The following ERC1 variants were observed in gnomAD, a reference collection of about 807,000 sequenced individuals.
The protein encoded by ERC1 is ELKS/RAB6-interacting/CAST family member 1.
ERC1 carries 56 observed loss-of-function variants against 132.0 expected under a neutral mutation model. The ratio of observed to expected loss-of-function variants is 0.42; its 90% CI spans 0.34 to 0.53. The LOEUF (loss-of-function observed/expected upper bound fraction) is 0.53, where lower values mean the gene tolerates loss of function less well. Ranked by LOEUF, ERC1 falls within the 20% of genes least tolerant of loss-of-function variation. The probability of loss-of-function intolerance (pLI) is 0.03; values close to 1 mark genes in which losing one functional copy is unlikely to be tolerated. For synonymous variants in ERC1, 478 were observed against 476.1 expected (o/e 1.00, Z -0.05); for missense variants, 1,202 against 1,349.9 (o/e 0.89, Z 1.72).
At chr12:1,291,703 A>AG (rs1250571888) in intron 15 of ERC1, among the ~76,000 whole-genome samples, 1 of 152,230 alleles carries the variant, frequency 6.6e-6, no homozygotes, top group Non-Finnish European at 1.5e-5. Context: ...CATCAAGCCA[A>AG]GAGAAATGAT....
intron 2 of ERC1, among the ~76,000 whole-genome samples, chr12:1,046,459 C>T (rs1344113953): frequency 1.3e-5 from 2 of 152,050 alleles, no homozygotes; most frequent in East Asian, 1.9e-4. Context: ...ATTCAAAATT[C>T]AGTGTGCATA....
At chr12:1,469,088 C>T (rs1368289236) in intron 18 of ERC1, among the ~76,000 whole-genome samples, 1 of 152,220 alleles carries the variant, frequency 6.6e-6, no homozygotes, top group Non-Finnish European at 1.5e-5. Flanking sequence ...AGGTGTTGTG[C>T]ACTAACCAAG....
chr12:1,398,930 CTTTTTTTTTTT>C (rs1162145460), intron 16 of ERC1, among the ~76,000 whole-genome samples: 6 of 93,890 alleles, frequency 6.4e-5, no homozygotes, highest in South Asian at 3.9e-4. Flanking sequence ...TTTTCTCCTA[CTTTTTTTTTTT>C]TTTTTTTTTT....
intron 15 of ERC1, among the ~76,000 whole-genome samples, chr12:1,362,460 CTCTCTCTCTG>C (rs1591539836): frequency 1.3e-5 from 2 of 152,126 alleles, no homozygotes; most frequent in East Asian, 1.9e-4. Flanking sequence ...CTCTCTCTCT[CTCTCTCTCTG>C]TCTCTCTCTC....
At chr12:1,387,395 T>C (rs2089493170) in intron 16 of ERC1, among the ~76,000 whole-genome samples, 1 of 152,096 alleles carries the variant, frequency 6.6e-6, no homozygotes, top group Non-Finnish European at 1.5e-5. Context: ...CCAAAACATA[T>C]GCCCTCCCCA....
intron 1 of ERC1, chr12:998,616 CTT>C (rs1961455224): frequency 6.6e-6 from 1 of 152,152 alleles, no homozygotes; most frequent in Admixed American, 6.5e-5. Context: ...TGTGGTATCA[CTT>C]TTGTTGTATT....
At chr12:1,418,585 CTTTCTCTTTCTTTCTTTCTTTCTTTCTT>C (rs1326720150) in intron 17 of ERC1, among the ~76,000 whole-genome samples, 1 of 96,588 alleles carries the variant, frequency 1.0e-5, no homozygotes, top group African/African-American at 3.7e-5. Context: ...TTCTTTCTTT[CTTTCTCTTTCTTTCTTTCTTTCTTTCTT>C]TCTTTCTTTC....
In ERC1 at chr12:1,354,052, CTCTTATCTTGGTGGTCTCGTG is replaced by C. The variant is rs528003851; in HGVS notation, c.2781-17762_2781-17742del. On this transcript the variant is annotated intron_variant, in intron 15 of 18. Coordinates refer to ENST00000360905, the MANE Select transcript of ERC1 (RefSeq NM_178040.4). The stretch of plus-strand genomic sequence containing the variant: ...CTTCCACCAGTGCTGTGTGCCCCGC[CTCTTATCTTGGTGGTCTCGTG>C]TCTTATCTTGGTGGTCTCATGTACT... 4.3e-3 allele frequency among the ~76,000 whole-genome samples: 656 copies of C among 151,634 alleles called. 6 individuals are homozygous for C. The highest frequency in any genetic ancestry group is 0.015 in the African/African-American group (632 of 41,282).
At chr12:1,235,036 T>C (rs1016613715) in intron 12 of ERC1, among the ~76,000 whole-genome samples, 2 of 152,180 alleles carry the variant, frequency 1.3e-5, no homozygotes, top group African/African-American at 4.8e-5. Context: ...GTCACAAAAT[T>C]GTATATTATA....
chr12:1,084,234 T>C (rs1942646884), intron 3 of ERC1, among the ~76,000 whole-genome samples: 1 of 152,216 alleles, frequency 6.6e-6, no homozygotes, highest in Non-Finnish European at 1.5e-5. Flanking sequence ...AACCATCTTA[T>C]ATTGAATTAA....
intron 16 of ERC1, among the ~76,000 whole-genome samples, chr12:1,401,016 A>G (rs756397941): frequency 2.3e-5 from 3 of 130,300 alleles, no homozygotes; most frequent in East Asian, 4.6e-4. Flanking sequence ...GCTCACTGCA[A>G]GCTCCACCTC....
At chr12:1,274,431 T>G (rs1014583311) in intron 14 of ERC1, among the ~76,000 whole-genome samples, 2 of 152,120 alleles carry the variant, frequency 1.3e-5, no homozygotes, top group South Asian at 2.1e-4. Flanking sequence ...GGGACCTTAT[T>G]TAGAGTGAAT....
At chr12:1,060,528 A>G (rs1973814034) in intron 2 of ERC1, among the ~76,000 whole-genome samples, 1 of 152,182 alleles carries the variant, frequency 6.6e-6, no homozygotes, top group Non-Finnish European at 1.5e-5. Flanking sequence ...ACGGCTGCAT[A>G]GTATTCCATG....
In ERC1 at chr12:1,027,980, G is replaced by A. The variant is rs886848143; in HGVS notation, c.77G>A (p.Arg26His). ...QSPGRSPRLP[R>H]SPRLGHRRTN... is the part of the protein sequence containing the mutation. ...CCTGGGCGTTCACCCAGGCTTCCAC[G>A]TTCCCCTCGCTTGGGTCACCGTCGA... The change falls in exon 2 of 19, where the codon CGT (arginine) becomes CAT (histidine). Residue 26 changes from arginine (R) to histidine (H), a missense_variant. Transcript: ENST00000360905. 15 of 1,614,004 alleles carry A rather than the reference G, an allele frequency of 9.3e-6. No homozygotes were observed. Among genetic ancestry groups the A allele is most frequent in the Middle Eastern group, 1.6e-4 (1 of 6,084 alleles).
chr12:991,819 A>G (rs1287381723), intron 1 of ERC1: 1 of 152,252 alleles, frequency 6.6e-6, no homozygotes, highest in East Asian at 1.9e-4. Flanking sequence ...AATGCTGAAG[A>G]TGATTCTTTT....
chr12:1,398,910 G>A lies in ERC1; in HGVS notation c.2926-9239G>A, dbSNP rs183034176. 1.5e-4 allele frequency among the ~76,000 whole-genome samples: 17 copies of A among 111,976 alleles called. No homozygotes were observed. In the East Asian group the frequency reaches 3.7e-3, roughly 25 times the overall value. 73.5% of individuals were successfully genotyped at this position (111,976 alleles called of 152,430 possible). A position where few individuals can be genotyped will look rare whatever the true frequency, so the allele number is the denominator to read the frequency against. ...AGTAAACTTCAGTGCTGACAAATGA[G>A]TTTATTTTCTTTTCTCCTACTTTTT... On this transcript the variant is annotated intron_variant, in intron 16 of 18. Transcript: ENST00000360905.
intron 15 of ERC1, among the ~76,000 whole-genome samples, chr12:1,307,482 G>A (rs543859123): frequency 1.6e-3 from 245 of 152,330 alleles, no homozygotes; most frequent in South Asian, 5.0e-3. Context: ...TGGTTTGAAG[G>A]AGTTTTTCTG....
At chr12:1,400,916 ATTTTTTTTT>A (rs869202443) in intron 16 of ERC1, among the ~76,000 whole-genome samples, 1 of 15,038 alleles carries the variant, frequency 6.6e-5, no homozygotes, top group Non-Finnish European at 1.1e-4. Flanking sequence ...CTATTTTTGT[ATTTTTTTTT>A]TTTTTTTTTT....
intron 12 of ERC1, among the ~76,000 whole-genome samples, chr12:1,197,435 C>G (rs1444499070): frequency 3.3e-5 from 5 of 152,092 alleles, no homozygotes; most frequent in Non-Finnish European, 5.9e-5. Flanking sequence ...ACCTCACCTC[C>G]TAGAAGAGGA....
Sources: gnomAD v4.1 joint callset for allele counts (sites outside exome capture counted in the v4.1 genomes callset) on GRCh38, gnomAD v4.1.1 for gene constraint, MANE v1.5 for transcripts, NCBI Gene and HGNC (gene_info 2026-07-23, HGNC 2026-07-21) for gene names.